Variants in MARCHF1 observed in about 807,000 individuals in gnomAD.
The protein encoded by MARCHF1 is membrane associated ring-CH-type finger 1, also known as E3 ubiquitin-protein ligase MARCHF1.
Under a neutral mutation model 54.2 loss-of-function variants are expected in MARCHF1, and 40 were observed. The ratio of observed to expected loss-of-function variants is 0.74; its 90% CI spans 0.57 to 0.96. MARCHF1 has a LOEUF of 0.96. MARCHF1 is among the 40% of genes least tolerant of loss of function. The pLI is 0.00. For synonymous variants in MARCHF1, 236 were observed against 236.3 expected (o/e 1.00, Z 0.01); for missense variants, 586 against 656.5 (o/e 0.89, Z 1.17).
intron 1 of MARCHF1, among the ~76,000 whole-genome samples, chr4:164,243,774 C>A (rs1213025158): frequency 8.6e-5 from 13 of 151,866 alleles, no homozygotes; most frequent in Admixed American, 1.3e-4. Context: ...TCCACCAAGC[C>A]AATGGAAAAC....
chr4:163,980,107 C>T (rs1222209039), intron 3 of MARCHF1, among the ~76,000 whole-genome samples: 1 of 146,540 alleles, frequency 6.8e-6, no homozygotes, highest in Non-Finnish European at 1.5e-5. Flanking sequence ...CACTACCTGA[C>T]TTCAAACTTT....
At chr4:164,272,676 GA>G (rs199790283) in intron 1 of MARCHF1, among the ~76,000 whole-genome samples, 1 of 151,466 alleles carries the variant, frequency 6.6e-6, no homozygotes, top group African/African-American at 2.4e-5. Flanking sequence ...ATTTCAATTG[GA>G]AAAAAAATAG....
At chr4:163,535,079 C>A (rs1738483934) in intron 9 of MARCHF1, among the ~76,000 whole-genome samples, 1 of 151,922 alleles carries the variant, frequency 6.6e-6, no homozygotes, top group Non-Finnish European at 1.5e-5. Context: ...AAATGTTGTT[C>A]TACTTTGACA....
At chr4:163,597,275 C>T (rs1340777113) in intron 7 of MARCHF1, among the ~76,000 whole-genome samples, 5 of 152,034 alleles carry the variant, frequency 3.3e-5, no homozygotes, top group African/African-American at 1.2e-4. Context: ...AATTATTTAC[C>T]TCTCAAATAG....
chr4:164,029,125 T>C (rs1159377196), intron 2 of MARCHF1, among the ~76,000 whole-genome samples: 4 of 152,202 alleles, frequency 2.6e-5, no homozygotes, highest in Non-Finnish European at 4.4e-5. Context: ...TGATTTTATA[T>C]GAGTCAGTTC....
At chr4:164,339,884 T>C (rs1248089208) in intron 1 of MARCHF1, among the ~76,000 whole-genome samples, 1 of 152,062 alleles carries the variant, frequency 6.6e-6, no homozygotes. Context: ...AGATGTAACA[T>C]TACAACTGGT....
intron 1 of MARCHF1, among the ~76,000 whole-genome samples, chr4:164,376,692 C>T (rs1362758752): frequency 6.6e-6 from 1 of 152,150 alleles, no homozygotes; most frequent in African/African-American, 2.4e-5. Context: ...GTTAGCTCCT[C>T]CTCACTTCCA....
At chr4:164,230,628 C>T (rs1400258202) in intron 1 of MARCHF1, among the ~76,000 whole-genome samples, 6 of 151,940 alleles carry the variant, frequency 3.9e-5, no homozygotes, top group Non-Finnish European at 8.8e-5. Context: ...AATACTAAAA[C>T]TTATTTCTTC....
At chr4:164,251,880 A>C (rs1235902594) in intron 1 of MARCHF1, among the ~76,000 whole-genome samples, 1 of 152,200 alleles carries the variant, frequency 6.6e-6, no homozygotes, top group East Asian at 1.9e-4. Context: ...TGCAAAAAAT[A>C]ATTAAGTAAT....
chr4:164,145,221 A>G (rs1299763379), intron 1 of MARCHF1, among the ~76,000 whole-genome samples: 1 of 152,174 alleles, frequency 6.6e-6, no homozygotes, highest in Non-Finnish European at 1.5e-5. Flanking sequence ...AGATGGATTC[A>G]CAGCCGAATT....
At chr4:163,917,718 G>T (rs888351091) in intron 3 of MARCHF1, among the ~76,000 whole-genome samples, 1 of 151,968 alleles carries the variant, frequency 6.6e-6, no homozygotes, top group African/African-American at 2.4e-5. Context: ...AGATCAACCC[G>T]TCACCTAGGT....
At chr4:163,885,421 G>A in intron 3 of MARCHF1, among the ~76,000 whole-genome samples, 1 of 151,938 alleles carries the variant, frequency 6.6e-6, no homozygotes, top group Non-Finnish European at 1.5e-5. Flanking sequence ...GTAATACAAG[G>A]TACAACTCAT....
chr4:163,651,549 CAAT>C (rs1404159089), intron 5 of MARCHF1, among the ~76,000 whole-genome samples: 1 of 139,050 alleles, frequency 7.2e-6, no homozygotes, highest in African/African-American at 2.8e-5. Flanking sequence ...TTTTTTACTG[CAAT>C]AGACTTTCTT....
intron 1 of MARCHF1, among the ~76,000 whole-genome samples, chr4:164,203,299 C>T (rs1731505931): frequency 2.0e-5 from 3 of 151,384 alleles, no homozygotes; most frequent in African/African-American, 7.3e-5. Context: ...GGGTGTGTGG[C>T]TGTGTAGGAG....
At position 163,526,400 on chromosome 4, in the gene MARCHF1, TG is replaced by T. The variant is rs1456567313; in HGVS notation, c.*2347del. 1 of 152,062 alleles carries T rather than the reference TG, an allele frequency of 6.6e-6. No homozygotes were observed. The highest frequency in any genetic ancestry group is 1.5e-5 in the Non-Finnish European group (1 of 67,960). 9.4% of individuals were successfully genotyped at this position (152,062 alleles called of 1,614,324 possible). ...AACAAAAGAGAAATCAACATTTCTTTGTTTGCTGGTGTCTGGATGTTTTTCC... is the reference window on the plus strand; with the variant it reads ...AACAAAAGAGAAATCAACATTTCTTTTTTGCTGGTGTCTGGATGTTTTTCC... On this transcript the variant is annotated 3_prime_UTR_variant, in exon 10 of 10. Coordinates refer to ENST00000514618, the MANE Select transcript of MARCHF1 (RefSeq NM_001394959.1).
intron 1 of MARCHF1, among the ~76,000 whole-genome samples, chr4:164,295,638 T>C (rs569900450): frequency 7.4e-4 from 113 of 152,290 alleles, no homozygotes; most frequent in Non-Finnish European, 1.6e-3. Context: ...TTAAATAGGC[T>C]TCAAATTTTT....
At chr4:164,098,064 CAGTGATA>C (rs1276460835) in intron 2 of MARCHF1, among the ~76,000 whole-genome samples, 2 of 152,130 alleles carry the variant, frequency 1.3e-5, no homozygotes, top group African/African-American at 4.8e-5. Flanking sequence ...AGGTAGAAAG[CAGTGATA>C]AGTGAGAGCT....
intron 3 of MARCHF1, among the ~76,000 whole-genome samples, chr4:163,945,071 C>T (rs1182452075): frequency 6.6e-6 from 1 of 152,132 alleles, no homozygotes; most frequent in African/African-American, 2.4e-5. Flanking sequence ...GCAATACCCA[C>T]AAGAGCTACA....
chr4:163,913,102 C>A (rs1202745132), intron 3 of MARCHF1, among the ~76,000 whole-genome samples: 1 of 152,076 alleles, frequency 6.6e-6, no homozygotes, highest in Admixed American at 6.6e-5. Context: ...AAGTGTAAGG[C>A]CTTTTTAAAA....
Sources: allele counts gnomAD v4.1 joint callset (sites outside exome capture counted in the v4.1 genomes callset), GRCh38; gene constraint gnomAD v4.1.1; transcripts MANE v1.5; gene names NCBI Gene and HGNC (gene_info 2026-07-23, HGNC 2026-07-21).